CKAP5: variants seen among roughly 807,000 people sequenced by gnomAD.
The protein encoded by CKAP5 is cytoskeleton associated protein 5.
In CKAP5, 27 loss-of-function variants were observed where a neutral mutation model predicts 232.8. The ratio of observed to expected loss-of-function variants is 0.12; its 90% CI spans 0.09 to 0.16. The LOEUF (loss-of-function observed/expected upper bound fraction) is 0.16. CKAP5 is among the 10% of genes least tolerant of loss of function. The pLI is 1.00. For synonymous variants in CKAP5, 785 were observed against 841.1 expected (o/e 0.93, Z 1.16); for missense variants, 1,838 against 2,424.7 (o/e 0.76, Z 5.08).
At chr11:46,828,653 T>C (rs907569481) in intron 1 of CKAP5, among the ~76,000 whole-genome samples, 1 of 152,164 alleles carries the variant, frequency 6.6e-6, no homozygotes, top group African/African-American at 2.4e-5. Context: ...GTACAATGAG[T>C]GTATGTGTGT....
rs1294750944 is a variant in CKAP5, at chr11:46,778,615, T to A, written c.2434-16A>T. ...GTCCCTGCATCTATACACAAATGAA[T>A]GAGTAAGGCTAATGAAATTTATATA... On this transcript the variant is annotated splice_polypyrimidine_tract_variant and intron_variant, in intron 20 of 43. Coordinates refer to ENST00000529230, the MANE Select transcript of CKAP5 (RefSeq NM_001008938.4). 1 of 1,610,274 alleles carries A rather than the reference T, an allele frequency of 6.2e-7. No individual in the cohort carries two copies. The highest frequency in any genetic ancestry group is 1.7e-5 in the Admixed American group (1 of 59,596).
At chr11:46,795,300 C>T (rs899178096) in intron 13 of CKAP5, among the ~76,000 whole-genome samples, 1 of 151,696 alleles carries the variant, frequency 6.6e-6, no homozygotes, top group East Asian at 1.9e-4. Flanking sequence ...TGCACTCCAG[C>T]CTGGGCAACA....
Position 46,797,793 on chromosome 11 carries a change from G to A in CKAP5, c.1338+12C>T. On this transcript the variant is annotated intron_variant, in intron 11 of 43. Coordinates refer to ENST00000529230, the MANE Select transcript of CKAP5 (RefSeq NM_001008938.4). ...TATAAAATATTCCCCCAACTTCAAAGAGAGTCTGTACCTTAAGTAGTGCAG... is the reference window on the plus strand; with the variant it reads ...TATAAAATATTCCCCCAACTTCAAAAAGAGTCTGTACCTTAAGTAGTGCAG... The A allele has an allele frequency of 6.3e-7, 1 of 1,585,702 alleles. No individual in the cohort carries two copies. The highest frequency in any genetic ancestry group is 1.2e-5 in the South Asian group (1 of 85,980).
chr11:46,750,650 T>C (rs1196588778), intron 40 of CKAP5, 39 bp from the exon 41 acceptor site: 1 of 1,509,162 alleles, frequency 6.6e-7, no homozygotes, highest in East Asian at 2.3e-5. Context: ...TGGTTAGACT[T>C]GAGTTATTAA....
chr11:46,811,168 A>G lies in CKAP5; in HGVS notation c.469T>C (p.Ser157Pro), dbSNP rs1939265895. 1 of 1,612,120 alleles carries G rather than the reference A, an allele frequency of 6.2e-7. No homozygotes were observed. The highest frequency in any genetic ancestry group is 1.1e-5 in the South Asian group (1 of 90,468). ...TLRKALSEFG[S>P]KIILLKPIIK... ...ATTGGCTTAAGCAAGATGATTTTGGAACCAAATTCACTACAAGTAAAAAAT... is the reference window on the plus strand; with the variant it reads ...ATTGGCTTAAGCAAGATGATTTTGGGACCAAATTCACTACAAGTAAAAAAT... The change falls in exon 5 of 44, where the codon TCC becomes CCC. Residue 157 changes from serine to proline, a missense_variant. By Grantham distance (74) the Ser-to-Pro change is moderately conservative (BLOSUM62 -1). This residue lies in a region of CKAP5 where 285 missense variants were observed against 300.0 expected (regional missense o/e 0.95). Coordinates refer to ENST00000529230, the MANE Select transcript of CKAP5 (RefSeq NM_001008938.4).
chr11:46,807,310 C>T (rs1020818580), intron 8 of CKAP5, among the ~76,000 whole-genome samples: 8 of 152,174 alleles, frequency 5.3e-5, no homozygotes, highest in African/African-American at 1.9e-4. Flanking sequence ...AATATAACTA[C>T]TACAAGTAAT....
At chr11:46,771,013 C>T in intron 24 of CKAP5, 31 bp from the exon 25 acceptor site, 1 of 1,574,438 alleles carries the variant, frequency 6.4e-7, no homozygotes, top group Non-Finnish European at 8.7e-7. Context: ...TAGTTACACA[C>T]TTCAAATGAA....
At chr11:46,790,398 A>G in intron 14 of CKAP5, 72 bp downstream of exon 14, 3 of 1,143,182 alleles carry the variant, frequency 2.6e-6, no homozygotes, top group Non-Finnish European at 3.9e-6. Context: ...AACCCAGCAA[A>G]GAACTCCAGT....
At chr11:46,820,219 T>C (rs1939495583) in intron 2 of CKAP5, among the ~76,000 whole-genome samples, 2 of 152,148 alleles carry the variant, frequency 1.3e-5, no homozygotes, top group East Asian at 3.8e-4. Flanking sequence ...TAACCAACAA[T>C]TTCTATGCGA....
At chr11:46,747,463 G>A (rs1401218925) in intron 42 of CKAP5, among the ~76,000 whole-genome samples, 7 of 151,944 alleles carry the variant, frequency 4.6e-5, no homozygotes, top group African/African-American at 7.2e-5. Context: ...TTAGCTGGGC[G>A]TGGAGGTGCA....
At chr11:46,788,620 A>C in intron 16 of CKAP5, 61 bp downstream of exon 16, 1 of 990,670 alleles carries the variant, frequency 1.0e-6, no homozygotes, top group Admixed American at 2.0e-5. Context: ...GTATTACTCC[A>C]TAGGATGATG....
At chr11:46,748,387 A>G (rs1418729127) in intron 42 of CKAP5, among the ~76,000 whole-genome samples, 1 of 152,202 alleles carries the variant, frequency 6.6e-6, no homozygotes, top group Non-Finnish European at 1.5e-5. Flanking sequence ...TAGAGCCAAA[A>G]TAATTTCCTG....
intron 38 of CKAP5, among the ~76,000 whole-genome samples, chr11:46,752,100 G>A (rs544547351): frequency 8.1e-4 from 117 of 144,738 alleles, no homozygotes; most frequent in African/African-American, 2.7e-3. Context: ...TTGAGGCCAC[G>A]AACTGTTTAG....
At chr11:46,766,829 C>T (rs2065206021) in intron 27 of CKAP5, among the ~76,000 whole-genome samples, 1 of 152,142 alleles carries the variant, frequency 6.6e-6, no homozygotes, top group Non-Finnish European at 1.5e-5. Context: ...TTGTCCAACT[C>T]TCCATGAATA....
chr11:46,768,672 C>T (rs2065224171), intron 26 of CKAP5, among the ~76,000 whole-genome samples: 1 of 151,210 alleles, frequency 6.6e-6, no homozygotes, highest in South Asian at 2.1e-4. Flanking sequence ...GCCTCAACCT[C>T]CTGGGCTGAA....
chr11:46,806,189 T>C (rs774161298), intron 8 of CKAP5, among the ~76,000 whole-genome samples: 5 of 152,194 alleles, frequency 3.3e-5, no homozygotes, highest in Non-Finnish European at 7.3e-5. Flanking sequence ...TACTCAAATA[T>C]AAAATCCATG....
At chr11:46,748,693 C>T (rs113728783) in intron 42 of CKAP5, among the ~76,000 whole-genome samples, 4 of 151,974 alleles carry the variant, frequency 2.6e-5, no homozygotes, top group African/African-American at 4.8e-5. Flanking sequence ...TGCTTAAACC[C>T]GGGAGGTGGA....
intron 24 of CKAP5, 59 bp from the exon 25 acceptor site, chr11:46,771,041 A>G: frequency 7.0e-7 from 1 of 1,438,812 alleles, no homozygotes; most frequent in Non-Finnish European, 9.5e-7. Flanking sequence ...ATCATTTATG[A>G]TCTCAGGCTT....
Position 46,751,249 on chromosome 11 carries a change from C to T in CKAP5, c.5329G>A (p.Asp1777Asn), listed in dbSNP as rs750829349. 24 of 1,613,968 alleles carry T rather than the reference C, an allele frequency of 1.5e-5. No individual in the cohort carries two copies. The highest frequency in any genetic ancestry group is 1.9e-5 in the Non-Finnish European group (23 of 1,180,030). Reference sequence around the variant, plus strand: ...TTGTTGTCGATCATCGTTAGGTGGTCCAGGATCTGAGGGAGACACATGCAT... The same window carrying T: ...TTGTTGTCGATCATCGTTAGGTGGTTCAGGATCTGAGGGAGACACATGCAT... ...LCKLKGPKIL[D>N]HLTMIDNKNE... The change falls in exon 40 of 44, where the codon GAC becomes AAC. Residue 1777 changes from aspartate to asparagine, a missense_variant. By Grantham distance (23) the Asp-to-Asn change is conservative. Transcript: ENST00000529230.
Sources: allele counts gnomAD v4.1 joint callset (sites outside exome capture counted in the v4.1 genomes callset), GRCh38; gene constraint gnomAD v4.1.1; regional missense constraint gnomAD v4.1.1; transcripts MANE v1.5; gene names NCBI Gene and HGNC (gene_info 2026-07-23, HGNC 2026-07-21).